IL1RAPL2: variants seen among roughly 807,000 people sequenced by gnomAD.
IL1RAPL2 encodes the protein X-linked interleukin-1 receptor accessory protein-like 2.
IL1RAPL2 carries 3 observed loss-of-function variants against 44.1 expected under a neutral mutation model. The observed-to-expected ratio is 0.07, with a 90% CI of 0.03 to 0.18. The LOEUF (loss-of-function observed/expected upper bound fraction) is 0.18. Ranked by LOEUF, IL1RAPL2 falls within the 10% of genes least tolerant of loss-of-function variation. The probability of loss-of-function intolerance (pLI) is 1.00; values close to 1 mark genes in which losing one functional copy is unlikely to be tolerated. For synonymous variants in IL1RAPL2, 181 were observed against 178.8 expected (o/e 1.01, Z -0.10); for missense variants, 391 against 496.4 (o/e 0.79, Z 2.02).
At chrX:105,530,091 A>C (rs1477698985) in intron 6 of IL1RAPL2, among the ~76,000 whole-genome samples, 1 of 112,199 alleles carries the variant, frequency 8.9e-6, no homozygotes, top group Non-Finnish European at 1.9e-5. Context: ...ATGAAAATGG[A>C]ATGGGGGAAC....
At chrX:105,142,817 C>T (rs2033138080) in intron 2 of IL1RAPL2, among the ~76,000 whole-genome samples, 1 of 109,176 alleles carries the variant, frequency 9.2e-6, no homozygotes, top group Non-Finnish European at 1.9e-5. Flanking sequence ...GTGATGTTCC[C>T]CTTCCTGTGT....
At position 105,484,161 on chromosome X, in the gene IL1RAPL2, A is replaced by C. The variant is rs902375594; in HGVS notation, c.698-152A>C. 4.7e-5 allele frequency: 22 copies of C among 464,318 alleles called. No homozygotes were observed. The Admixed American group carries it at 6.6e-4, about 14-fold the overall frequency. 38.3% of individuals were successfully genotyped at this position (464,318 alleles called of 1,213,427 possible). A position where few individuals can be genotyped will look rare whatever the true frequency, so the allele number is the denominator to read the frequency against. On this transcript the variant is annotated intron_variant, in intron 5 of 10. Coordinates refer to ENST00000372582, the MANE Select transcript of IL1RAPL2 (RefSeq NM_017416.2). ...TGGGAAATGGATATTGTATGGATAG[A>C]GTAACAACCCAAGTAGGAAGTAGGA...
chrX:105,408,328 C>A (rs184037304), intron 5 of IL1RAPL2, among the ~76,000 whole-genome samples: 84 of 111,201 alleles, frequency 7.6e-4, no homozygotes, highest in African/African-American at 2.6e-3. Flanking sequence ...ACCTCCCTAC[C>A]AATGACCTGG....
intron 2 of IL1RAPL2, among the ~76,000 whole-genome samples, chrX:104,927,210 T>C (rs1316892061): frequency 9.0e-6 from 1 of 111,725 alleles, no homozygotes; most frequent in East Asian, 2.8e-4. Context: ...CTCCTCTTCC[T>C]ACCTCTCTTA....
chrX:105,335,447 A>C (rs1433501812), intron 5 of IL1RAPL2, among the ~76,000 whole-genome samples: 1 of 111,373 alleles, frequency 9.0e-6, no homozygotes. Context: ...TCCTCGGTTC[A>C]GATGACTTTT....
chrX:105,447,933 A>C (rs2035985808), intron 5 of IL1RAPL2, among the ~76,000 whole-genome samples: 1 of 98,217 alleles, frequency 1.0e-5, no homozygotes, highest in African/African-American at 3.7e-5. Flanking sequence ...AAATATATTA[A>C]AATATGTTAA....
At chrX:105,681,787 G>T (rs2037928030) in intron 6 of IL1RAPL2, among the ~76,000 whole-genome samples, 1 of 111,466 alleles carries the variant, frequency 9.0e-6, no homozygotes, top group Non-Finnish European at 1.9e-5. Flanking sequence ...ATATCATTCA[G>T]TCTTATATAA....
chrX:105,579,665 C>T (rs2037074372), intron 6 of IL1RAPL2, among the ~76,000 whole-genome samples: 1 of 111,145 alleles, frequency 9.0e-6, no homozygotes, highest in South Asian at 3.8e-4. Context: ...ATAGGTATTC[C>T]TACTCCATAT....
chrX:104,717,224 C>T (rs1931585701), intron 2 of IL1RAPL2, among the ~76,000 whole-genome samples: 1 of 110,857 alleles, frequency 9.0e-6, no homozygotes, highest in African/African-American at 3.3e-5. Context: ...TATGAGAACA[C>T]ATGGACACAT....
chrX:105,123,687 C>T (rs775405150), intron 2 of IL1RAPL2, among the ~76,000 whole-genome samples: 4 of 111,056 alleles, frequency 3.6e-5, no homozygotes, highest in Non-Finnish European at 5.7e-5. Flanking sequence ...GCAGTGGTAA[C>T]ATGGGAGAGG....
intron 5 of IL1RAPL2, among the ~76,000 whole-genome samples, chrX:105,372,450 A>AG (rs200236390): frequency 0.044 from 4,717 of 107,355 alleles, 289 homozygotes; most frequent in African/African-American, 0.15. Flanking sequence ...AAAAAAAAAA[A>AG]GTCTTTTAAT....
chrX:104,896,589 A>C (rs370091340), intron 2 of IL1RAPL2, among the ~76,000 whole-genome samples: 1 of 111,542 alleles, frequency 9.0e-6, no homozygotes, highest in East Asian at 2.8e-4. Flanking sequence ...TCAGTGCTCT[A>C]TCTAGCTAAA....
At chrX:104,901,967 G>C (rs1292725506) in intron 2 of IL1RAPL2, among the ~76,000 whole-genome samples, 2 of 111,993 alleles carry the variant, frequency 1.8e-5, no homozygotes, top group African/African-American at 6.5e-5. Context: ...AATATAAATA[G>C]TATGTCCCTA....
At chrX:105,320,663 T>C (rs1036069625) in intron 5 of IL1RAPL2, among the ~76,000 whole-genome samples, 1 of 112,433 alleles carries the variant, frequency 8.9e-6, no homozygotes, top group African/African-American at 3.2e-5. Context: ...TGTGTATGCA[T>C]ATGTGTGAGC....
At chrX:105,128,625 C>T (rs2032998567) in intron 2 of IL1RAPL2, among the ~76,000 whole-genome samples, 1 of 111,053 alleles carries the variant, frequency 9.0e-6, no homozygotes, top group African/African-American at 3.3e-5. Context: ...TGTTTACTGA[C>T]TCCATACATT....
chrX:105,362,791 T>C (rs2035257405), intron 5 of IL1RAPL2, among the ~76,000 whole-genome samples: 1 of 111,843 alleles, frequency 8.9e-6, no homozygotes, highest in African/African-American at 3.2e-5. Flanking sequence ...AATAATGTGA[T>C]ATTTTGATCT....
chrX:104,720,386 TAAG>T (rs781249362), intron 2 of IL1RAPL2, among the ~76,000 whole-genome samples: 1 of 111,719 alleles, frequency 9.0e-6, no homozygotes, highest in Admixed American at 9.5e-5. Flanking sequence ...ACCTATAAAA[TAAG>T]AAATTAAACA....
intron 6 of IL1RAPL2, among the ~76,000 whole-genome samples, chrX:105,603,727 T>C (rs1466814596): frequency 1.8e-5 from 2 of 111,700 alleles, no homozygotes; most frequent in East Asian, 5.6e-4. Context: ...GAATACATAT[T>C]CTTCTTATCA....
At position 105,175,850 on chromosome X, in the gene IL1RAPL2, C is replaced by A. The variant is rs193228059; in HGVS notation, c.83-19625C>A. Among the ~76,000 whole-genome samples, 30 of 110,542 alleles carry A rather than the reference C, an allele frequency of 2.7e-4. No individual in the cohort carries two copies. In the East Asian group the frequency reaches 7.0e-3, roughly 26 times the overall value. Reference sequence around the variant, plus strand: ...ATTAATTAAAACTGTGCTGTACTTACTGTAATACTTGTAATGATTATGATA... The same window carrying A: ...ATTAATTAAAACTGTGCTGTACTTAATGTAATACTTGTAATGATTATGATA... On this transcript the variant is annotated intron_variant, in intron 2 of 10. Coordinates refer to ENST00000372582, the MANE Select transcript of IL1RAPL2 (RefSeq NM_017416.2).
Sources: allele counts gnomAD v4.1 joint callset (sites outside exome capture counted in the v4.1 genomes callset), GRCh38; gene constraint gnomAD v4.1.1; transcripts MANE v1.5; gene names NCBI Gene and HGNC (gene_info 2026-07-23, HGNC 2026-07-21).